JMJD4: variants seen among roughly 807,000 people sequenced by gnomAD.
JMJD4 encodes jumonji domain containing 4, also known as 2-oxoglutarate and iron-dependent oxygenase JMJD4.
In JMJD4, 34 loss-of-function variants were observed where a neutral mutation model predicts 36.3. That is an observed-to-expected ratio of 0.94 (90% CI 0.71 to 1.25). JMJD4 has a LOEUF of 1.25. Ranked by LOEUF, JMJD4 falls within the 50% of genes most tolerant of loss-of-function variation. The pLI, the probability that JMJD4 is intolerant of heterozygous loss-of-function variation, is 0.00. For missense variants in JMJD4, 584 were observed against 559.1 expected (o/e 1.04, Z -0.45); for synonymous variants, 269 against 235.3 (o/e 1.14, Z -1.31).
At chr1:227,734,532 G>A (rs936078637) in intron 2 of JMJD4, 119 bp downstream of exon 2, 3 of 874,446 alleles carry the variant, frequency 3.4e-6, no homozygotes, top group East Asian at 2.5e-5. Flanking sequence ...ACTGATTAAA[G>A]TGCCTCACGG....
intron 1 of JMJD4, 41 bp from the exon 2 acceptor site, chr1:227,734,857 C>G (rs1436967524): frequency 3.1e-6 from 5 of 1,610,328 alleles, no homozygotes; most frequent in Non-Finnish European, 3.4e-6. Context: ...CCCTGGGCCC[C>G]GTCCTCACTC....
At chr1:227,734,928 G>T in intron 1 of JMJD4, 84 bp downstream of exon 1, 1 of 1,522,976 alleles carries the variant, frequency 6.6e-7, no homozygotes, top group Non-Finnish European at 8.9e-7. Flanking sequence ...ACCCTCCCTG[G>T]TGCCCCTCTC....
At chr1:227,733,053 C>A in intron 4 of JMJD4, 26 bp from the exon 5 acceptor site, 2 of 1,611,794 alleles carry the variant, frequency 1.2e-6, no homozygotes, top group Non-Finnish European at 1.7e-6. Context: ...TGCAGGCAGG[C>A]CTGAGCCCAT....
chr1:227,731,867 C>CGCTG lies in JMJD4; in HGVS notation c.*524_*525insCAGC. ...CCAACCCAGCCCTCCACTCTGGGTA[C>CGCTG]CCAGAGGAAGGCGCAGGCCGCTGGT... On this transcript the variant is annotated 3_prime_UTR_variant, in exon 6 of 6. Transcript: ENST00000620518. The CGCTG allele has an allele frequency of 6.4e-6, 1 of 156,794 alleles. No homozygotes were observed. Among genetic ancestry groups the CGCTG allele is most frequent in the Non-Finnish European group, 1.4e-5 (1 of 70,524 alleles). 9.7% of individuals were successfully genotyped at this position (156,794 alleles called of 1,614,324 possible).
In JMJD4 at chr1:227,732,202, A is replaced by G; in HGVS notation, c.*190T>C. 1 of 648,638 alleles carries G rather than the reference A, an allele frequency of 1.5e-6. No homozygotes were observed. The highest frequency in any genetic ancestry group is 2.7e-6 in the Non-Finnish European group (1 of 373,500). The allele number at this position is 648,638 out of a possible 1,614,324, so 40.2% of individuals were successfully genotyped here. On this transcript the variant is annotated 3_prime_UTR_variant, in exon 6 of 6. Transcript: ENST00000620518. ...CTGCAGGTCAGAAGGGCCACATCCC[A>G]TCTTGGGTCCCTGACCTCATTGGGC...
At chr1:227,734,365 A>G in intron 2 of JMJD4, 1 of 348,676 alleles carries the variant, frequency 2.9e-6, no homozygotes, top group Middle Eastern at 8.2e-4. Flanking sequence ...AAAAAAAAAA[A>G]AAAAAAAAAA....
rs1660885188 is a variant in JMJD4, at chr1:227,734,124, C to CGGA, written c.429-93_429-92insTCC. 6 of 1,429,064 alleles carry CGGA rather than the reference C, an allele frequency of 4.2e-6. No individual in the cohort carries two copies. The Admixed American group carries it at 1.3e-4, about 30-fold the overall frequency. 88.5% of individuals were successfully genotyped at this position (1,429,064 alleles called of 1,614,324 possible). A position where few individuals can be genotyped will look rare whatever the true frequency, so the allele number is the denominator to read the frequency against. On this transcript the variant is annotated intron_variant, in intron 2 of 5. Transcript: ENST00000620518. ...TGGGGCAACTGAGACCAATCGGCTC[C>CGGA]AGTGGAGCTTCCAGATGGCTGCAGC...
At position 227,732,923 on chromosome 1, in the gene JMJD4, G is replaced by T. The variant is rs781408815; in HGVS notation, c.927C>A (p.Ser309Arg). Residue 309 changes from serine (S) to arginine (R), a missense_variant, in exon 5 of 6, where the codon AGC becomes AGA. By Grantham distance (110) the Ser-to-Arg change is moderately radical (BLOSUM62 -1). Transcript: ENST00000620518. The stretch of plus-strand genomic sequence containing the variant: ...AGTCGGGCATGGAGTCCCTCCACTC[G>T]CTGACCTCCTCCTGCACGGCGCATA... Reference protein sequence around the residue: ...QELCAVQEEVSEWRDSMPDWH... With the variant: ...QELCAVQEEVREWRDSMPDWH... The T allele has an allele frequency of 3.5e-5, 57 of 1,612,902 alleles. No individual in the cohort carries two copies. The highest frequency in any genetic ancestry group is 4.5e-5 in the Non-Finnish European group (53 of 1,180,012).
At position 227,733,408 on chromosome 1, in the gene JMJD4, C is replaced by T; in HGVS notation, c.822+6G>A. The T allele has an allele frequency of 6.4e-7, 1 of 1,569,684 alleles. No homozygotes were observed. The highest frequency in any genetic ancestry group is 8.6e-7 in the Non-Finnish European group (1 of 1,158,718). ...CTGATAGGGGGCAGGAGAAGCAGCA[C>T]ATTACCAGGTTGTGCACCTGGTGGT... On this transcript the variant is annotated splice_donor_region_variant and intron_variant, in intron 4 of 5. Coordinates refer to ENST00000620518, the MANE Select transcript of JMJD4 (RefSeq NM_023007.3).
At chr1:227,732,859 C>A in intron 5 of JMJD4, 22 bp downstream of exon 5, 1 of 1,611,694 alleles carries the variant, frequency 6.2e-7, no homozygotes, top group Non-Finnish European at 8.5e-7. Flanking sequence ...AGGAGGGTAG[C>A]CTCCATGCGT....
Position 227,735,253 on chromosome 1 carries a change from G to T in JMJD4, c.21C>A (p.Ala7=), listed in dbSNP as rs773255721. The change falls in exon 1 of 6, where the codon GCC becomes GCA. Residue 7 remains alanine, a synonymous_variant. Coordinates refer to ENST00000620518, the MANE Select transcript of JMJD4 (RefSeq NM_023007.3). MDRETR[A]LADSHFRGLG... ...GGCCTCGGAAGTGGCTGTCGGCGAG[G>T]GCGCGCGTCTCGCGGTCCATCCAGC... The T allele has an allele frequency of 5.6e-6, 9 of 1,603,388 alleles. No homozygotes were observed. Among genetic ancestry groups the T allele is most frequent in the Non-Finnish European group, 8.5e-7 (1 of 1,175,932 alleles).
Position 227,734,745 on chromosome 1 carries a change from G to C in JMJD4, c.334C>G (p.Leu112Val), listed in dbSNP as rs199923105. The C allele has an allele frequency of 6.2e-7, 1 of 1,614,162 alleles. No individual in the cohort carries two copies. Among genetic ancestry groups the C allele is most frequent in the Non-Finnish European group, 8.5e-7 (1 of 1,179,998 alleles). Residue 112 changes from leucine to valine, a missense_variant, in exon 2 of 6, where the codon CTC becomes GTC. Coordinates refer to ENST00000620518, the MANE Select transcript of JMJD4 (RefSeq NM_023007.3). ...YNSNPKEHMT[L>V]RDYITYWKEY... ...TTCCAGTAGGTGATGTAGTCTCTGA[G>C]AGTCATGTGCTCTTTGGGGTTCGAG... is the stretch of plus-strand genomic sequence containing the variant.
chr1:227,733,248 G>T, intron 4 of JMJD4, 166 bp downstream of exon 4: 1 of 885,408 alleles, frequency 1.1e-6, no homozygotes. Flanking sequence ...GACCGGCAGT[G>T]GGTGAAACAG....
chr1:227,733,393 G>A, intron 4 of JMJD4, 21 bp downstream of exon 4: 4 of 1,565,092 alleles, frequency 2.6e-6, no homozygotes, highest in South Asian at 1.2e-5. Flanking sequence ...CTGATAGGGG[G>A]CAGGAGAAGC....
Position 227,732,404 on chromosome 1 carries a change from A to G in JMJD4, c.1242T>C (p.Ala414=). The change falls in exon 6 of 6, where the codon GCT becomes GCC. Residue 414 remains alanine, a synonymous_variant. Transcript: ENST00000620518. The stretch of plus-strand genomic sequence containing the variant: ...CTCACGACAGGTGCTATGGGGCCGC[A>G]GCAGCATCAACAGCCTCTCTCAGCT... ...LQQLREAVDA[A]AAP The G allele has an allele frequency of 1.2e-6, 2 of 1,612,592 alleles. No homozygotes were observed. The highest frequency in any genetic ancestry group is 1.7e-6 in the Non-Finnish European group (2 of 1,179,972).
At chr1:227,734,265 C>T in intron 2 of JMJD4, 1 of 538,984 alleles carries the variant, frequency 1.9e-6, no homozygotes, top group South Asian at 2.7e-5. Context: ...CCTATAATCC[C>T]AGTGCTTTGA....
rs780322331 is a variant in JMJD4, at chr1:227,734,758, T to C, written c.321A>G (p.Lys107=). 2 of 1,614,060 alleles carry C rather than the reference T, an allele frequency of 1.2e-6. No individual in the cohort carries two copies. The highest frequency in any genetic ancestry group is 1.7e-6 in the Non-Finnish European group (2 of 1,180,030). Residue 107 remains lysine, a synonymous_variant, in exon 2 of 6, where the codon AAA becomes AAG. Transcript: ENST00000620518. ...CGVQEYNSNP[K]EHMTLRDYIT... ...TGTAGTCTCTGAGAGTCATGTGCTC[T>C]TTGGGGTTCGAGTTGTATTCCTGGA...
Position 227,732,507 on chromosome 1 carries a change from G to A in JMJD4, c.1139C>T (p.Ala380Val), listed in dbSNP as rs1408523263. ...GAAGTCGGGGTGCGCAACCAAGGAG[G>A]CCAGCACCTCTGTGATGCGCCCAAC... The part of the protein sequence containing the change: ...FDVGRITEVL[A>V]SLVAHPDFQR... The change falls in exon 6 of 6, where the codon GCC becomes GTC. Residue 380 changes from alanine to valine, a missense_variant. Ala to Val is a moderately conservative substitution (Grantham distance 64). Transcript: ENST00000620518. 3 of 1,613,392 alleles carry A rather than the reference G, an allele frequency of 1.9e-6. No individual in the cohort carries two copies. The highest frequency in any genetic ancestry group is 2.5e-6 in the Non-Finnish European group (3 of 1,180,036).
rs780223097 is a variant in JMJD4 at position 227,732,929 on chromosome 1, C to T, written c.921G>A (p.Glu307=). Residue 307 remains glutamate (E), a synonymous_variant, in exon 5 of 6, where the codon GAG becomes GAA. Transcript: ENST00000620518. Reference sequence around the variant, plus strand: ...GCATGGAGTCCCTCCACTCGCTGACCTCCTCCTGCACGGCGCATAGCTCCT... The same window carrying T: ...GCATGGAGTCCCTCCACTCGCTGACTTCCTCCTGCACGGCGCATAGCTCCT... ...LQQELCAVQE[E]VSEWRDSMPD... is the part of the protein sequence containing the mutation. 2.5e-6 allele frequency: 4 copies of T among 1,612,980 alleles called. No homozygotes were observed. In the African/African-American group the frequency reaches 5.3e-5, roughly 22 times the overall value.
Sources: allele counts gnomAD v4.1 joint callset, GRCh38; gene constraint gnomAD v4.1.1; transcripts MANE v1.5; gene names NCBI Gene and HGNC (gene_info 2026-07-23, HGNC 2026-07-21).